Variants in FOXP2 observed in about 807,000 individuals in gnomAD.
The protein encoded by FOXP2 is forkhead box protein P2.
FOXP2 carries 12 observed loss-of-function variants against 115.8 expected under a neutral mutation model. That is an observed-to-expected ratio of 0.10 (90% CI 0.07 to 0.17). The LOEUF (loss-of-function observed/expected upper bound fraction) is 0.17, where lower values mean the gene tolerates loss of function less well. FOXP2 is among the 10% of genes least tolerant of loss of function. The pLI, the probability that FOXP2 is intolerant of heterozygous loss-of-function variation, is 1.00. For missense variants in FOXP2, 629 were observed against 843.5 expected, an observed-to-expected ratio of 0.75 and a Z score of 3.15; for synonymous variants, 328 against 297.7, an observed-to-expected ratio of 1.10 and a Z score of -1.05.
At chr7:114,161,548 T>TTA (rs1554424345), upstream of FOXP2, among the ~76,000 whole-genome samples, 1 of 151,758 alleles carries the variant, frequency 6.6e-6, no homozygotes, top group Non-Finnish European at 1.5e-5. Flanking sequence ...TTTTTTTTTT[T>TTA]AATAAATACC....
intron 1 of FOXP2, among the ~76,000 whole-genome samples, chr7:114,274,280 T>C (rs995867992): frequency 2.0e-5 from 3 of 152,142 alleles, no homozygotes; most frequent in African/African-American, 4.8e-5. Context: ...TAAGCATATA[T>C]ACACATATAC....
At chr7:114,659,779 C>T in intron 13 of FOXP2, 106 bp downstream of exon 13, 1 of 846,036 alleles carries the variant, frequency 1.2e-6, no homozygotes. Context: ...TGCTTCCCCT[C>T]TTTTTAACCT....
At chr7:114,384,021 T>A (rs540924376) in intron 2 of FOXP2, among the ~76,000 whole-genome samples, 2 of 152,190 alleles carry the variant, frequency 1.3e-5, no homozygotes, top group African/African-American at 4.8e-5. Flanking sequence ...CTAGTGGTCC[T>A]TTACCAGTGT....
chr7:114,324,722 T>G (rs1475186794), intron 2 of FOXP2, among the ~76,000 whole-genome samples: 2 of 151,890 alleles, frequency 1.3e-5, no homozygotes, highest in African/African-American at 4.8e-5. Context: ...ACCTTTATAC[T>G]CTATCAGAAT....
upstream of FOXP2, among the ~76,000 whole-genome samples, chr7:114,086,780 CAT>C (rs1193917231): frequency 2.6e-5 from 4 of 152,238 alleles, no homozygotes; most frequent in Admixed American, 6.5e-5. Flanking sequence ...GCGAGTGTGA[CAT>C]GTGTCAAATT....
rs116855028 is a variant in FOXP2, at chr7:114,675,073, A to G, written c.2003+10637A>G. Among the ~76,000 whole-genome samples, 17 of 152,244 alleles carry G rather than the reference A, an allele frequency of 1.1e-4. No individual in the cohort carries two copies. The East Asian group carries it at 3.3e-3, about 29-fold the overall frequency. On this transcript the variant is annotated intron_variant, in intron 16 of 16. Transcript: ENST00000350908. ...AAGTGGAGAAACAAAATATTACTCT[A>G]AAAGTTACATAGGCTTAAGAAATGA... is the stretch of plus-strand genomic sequence containing the variant.
At chr7:114,661,081 T>C (rs1000508420) in intron 13 of FOXP2, among the ~76,000 whole-genome samples, 3 of 151,524 alleles carry the variant, frequency 2.0e-5, no homozygotes, top group Non-Finnish European at 2.9e-5. Flanking sequence ...AATTCTTCTC[T>C]TAAAGCAAGC....
At chr7:114,594,287 G>C (rs190742072) in intron 3 of FOXP2, among the ~76,000 whole-genome samples, 14 of 152,028 alleles carry the variant, frequency 9.2e-5, no homozygotes, top group Admixed American at 8.5e-4. Context: ...ATGTCCTGTG[G>C]GGCTAATGAG....
At chr7:114,570,525 G>A (rs1367261623) in intron 3 of FOXP2, among the ~76,000 whole-genome samples, 1 of 151,820 alleles carries the variant, frequency 6.6e-6, no homozygotes, top group Admixed American at 6.6e-5. Context: ...CAAGTGGGAA[G>A]TAAGGTTCCT....
chr7:114,434,845 A>G (rs1004188623), intron 2 of FOXP2, among the ~76,000 whole-genome samples: 3 of 152,164 alleles, frequency 2.0e-5, no homozygotes, highest in Non-Finnish European at 2.9e-5. Flanking sequence ...AATTAATTGT[A>G]ATTTTATTGA....
intron 1 of FOXP2, among the ~76,000 whole-genome samples, chr7:114,280,527 AACAG>A (rs1469098694): frequency 6.6e-6 from 1 of 152,112 alleles, no homozygotes; most frequent in African/African-American, 2.4e-5. Context: ...TAATTATTTT[AACAG>A]ACAGTTCTAG....
intron 16 of FOXP2, among the ~76,000 whole-genome samples, chr7:114,674,292 G>C (rs1807646879): frequency 6.6e-6 from 1 of 152,182 alleles, no homozygotes; most frequent in South Asian, 2.1e-4. Flanking sequence ...GGGAAATTTA[G>C]TAGGGCATTT....
At chr7:114,123,762 T>A (rs1791629210) in intron 1 of FOXP2, among the ~76,000 whole-genome samples, 1 of 152,176 alleles carries the variant, frequency 6.6e-6, no homozygotes, top group African/African-American at 2.4e-5. Context: ...GGTGAAGGTC[T>A]TATGTTTATT....
At chr7:114,192,729 A>G (rs559518314) in intron 1 of FOXP2, among the ~76,000 whole-genome samples, 56 of 152,228 alleles carry the variant, frequency 3.7e-4, no homozygotes, top group Non-Finnish European at 5.7e-4. Flanking sequence ...ATTTACTGCT[A>G]CATTACTACT....
chr7:114,172,147 T>C (rs1793160997), intron 1 of FOXP2, among the ~76,000 whole-genome samples: 1 of 152,228 alleles, frequency 6.6e-6, no homozygotes, highest in African/African-American at 2.4e-5. Flanking sequence ...ATAATGCTAT[T>C]GCATACTTAA....
chr7:114,675,195 T>A (rs913706451), intron 16 of FOXP2, among the ~76,000 whole-genome samples: 1 of 152,136 alleles, frequency 6.6e-6, no homozygotes, highest in African/African-American at 2.4e-5. Context: ...AATTATGTAA[T>A]TTCCTTTATA....
chr7:114,487,911 A>G (rs867782444), intron 2 of FOXP2, among the ~76,000 whole-genome samples: 13 of 152,082 alleles, frequency 8.5e-5, no homozygotes, highest in South Asian at 2.1e-4. Context: ...AACTGTTCCA[A>G]CCCATGCCTG....
chr7:114,384,567 T>C (rs1436583630), intron 2 of FOXP2, among the ~76,000 whole-genome samples: 1 of 152,120 alleles, frequency 6.6e-6, no homozygotes, highest in Non-Finnish European at 1.5e-5. Context: ...CATCCTGTCA[T>C]GAAGGGAGTT....
intron 1 of FOXP2, among the ~76,000 whole-genome samples, chr7:114,188,681 C>T (rs975290611): frequency 6.6e-5 from 10 of 152,170 alleles, no homozygotes; most frequent in Non-Finnish European, 1.3e-4. Context: ...CCTCGACCTC[C>T]TGGGCTCAGG....
Sources: allele counts gnomAD v4.1 joint callset (sites outside exome capture counted in the v4.1 genomes callset), GRCh38; gene constraint gnomAD v4.1.1; transcripts MANE v1.5; gene names NCBI Gene and HGNC (gene_info 2026-07-23, HGNC 2026-07-21).